The following HMGCLL1 variants were observed in gnomAD, a reference collection of about 807,000 sequenced individuals.
HMGCLL1 encodes 3-hydroxy-3-methylglutaryl-CoA lyase like 1.
In HMGCLL1, 36 loss-of-function variants were observed where a neutral mutation model predicts 39.1. The ratio of observed to expected loss-of-function variants is 0.92; its 90% CI spans 0.71 to 1.22. The LOEUF is 1.22. Ranked by LOEUF, HMGCLL1 falls within the 50% of genes most tolerant of loss-of-function variation. HMGCLL1 has a pLI of 0.00. For missense variants in HMGCLL1, 451 were observed against 416.5 expected, an observed-to-expected ratio of 1.08 and a Z score of -0.72; for synonymous variants, 149 against 144.0, an observed-to-expected ratio of 1.03 and a Z score of -0.25.
At chr6:55,614,626 T>C in the HMGCLL1 span, among the ~76,000 whole-genome samples, 1 of 152,188 alleles carries the variant, frequency 6.6e-6, no homozygotes, top group Non-Finnish European at 1.5e-5. Context: ...TTTTTCTTCA[T>C]TAATTTAAGA....
chr6:55,637,172 G>A, the HMGCLL1 span, among the ~76,000 whole-genome samples: 2 of 152,120 alleles, frequency 1.3e-5, no homozygotes, highest in Non-Finnish European at 1.5e-5. Context: ...AATAACAACA[G>A]TATAGCTATA....
intron 1 of HMGCLL1, chr6:55,577,129 A>G (rs1561973198): frequency 1.2e-6 from 2 of 1,610,042 alleles, no homozygotes; most frequent in Non-Finnish European, 1.7e-6. Context: ...AGCCAGAGAC[A>G]TCGGGCTGAA....
the HMGCLL1 span, among the ~76,000 whole-genome samples, chr6:55,584,472 C>T: frequency 6.6e-5 from 10 of 152,070 alleles, no homozygotes; most frequent in Admixed American, 1.3e-4. Flanking sequence ...ATAAAATGAC[C>T]GCAATAAATT....
chr6:55,568,140 TA>T (rs1458240883), intron 1 of HMGCLL1, among the ~76,000 whole-genome samples: 1 of 152,186 alleles, frequency 6.6e-6, no homozygotes, highest in Non-Finnish European at 1.5e-5. Context: ...TAATTGGTAT[TA>T]TTTTCTATAA....
At chr6:55,620,980 A>G in the HMGCLL1 span, among the ~76,000 whole-genome samples, 11 of 151,952 alleles carry the variant, frequency 7.2e-5, no homozygotes, top group African/African-American at 2.4e-4. Flanking sequence ...CCATTGGTCT[A>G]TAGGTCTGTT....
chr6:55,598,647 G>A, the HMGCLL1 span, among the ~76,000 whole-genome samples: 2 of 152,128 alleles, frequency 1.3e-5, no homozygotes, highest in South Asian at 4.1e-4. Context: ...CTCTGTTGAG[G>A]CAAACAGGAA....
At chr6:55,478,427 G>C (rs1257969066) in intron 7 of HMGCLL1, among the ~76,000 whole-genome samples, 1 of 151,306 alleles carries the variant, frequency 6.6e-6, no homozygotes, top group Non-Finnish European at 1.5e-5. Context: ...TAGTATATAT[G>C]AATAATCCTA....
intron 3 of HMGCLL1, among the ~76,000 whole-genome samples, chr6:55,534,290 C>A (rs1030500219): frequency 2.6e-5 from 4 of 151,974 alleles, no homozygotes; most frequent in Non-Finnish European, 4.4e-5. Flanking sequence ...ATAAAAAGAC[C>A]TCAGTGGTAT....
chr6:55,476,459 CCTA>C (rs1405319794), intron 7 of HMGCLL1, among the ~76,000 whole-genome samples: 1 of 151,310 alleles, frequency 6.6e-6, no homozygotes, highest in Non-Finnish European at 1.5e-5. Flanking sequence ...TAATAGTATA[CCTA>C]TAACTTATGT....
intron 1 of HMGCLL1, among the ~76,000 whole-genome samples, chr6:55,557,072 T>TA (rs1240274457): frequency 6.6e-6 from 1 of 152,190 alleles, no homozygotes; most frequent in East Asian, 1.9e-4. Context: ...TCTCACACTT[T>TA]ATAAAGTTAG....
intron 7 of HMGCLL1, among the ~76,000 whole-genome samples, chr6:55,479,751 A>G (rs1035250652): frequency 6.6e-6 from 1 of 151,732 alleles, no homozygotes; most frequent in African/African-American, 2.4e-5. Flanking sequence ...GAAAGTTAAT[A>G]GCAAATGTCT....
the HMGCLL1 span, among the ~76,000 whole-genome samples, chr6:55,675,686 C>T: frequency 0.094 from 14,231 of 152,150 alleles, 763 homozygotes; most frequent in East Asian, 0.17. Flanking sequence ...TTCTGTCATG[C>T]GCTACTCTTT....
the HMGCLL1 span, among the ~76,000 whole-genome samples, chr6:55,612,779 A>G: frequency 6.6e-6 from 1 of 152,222 alleles, no homozygotes; most frequent in Non-Finnish European, 1.5e-5. Flanking sequence ...CCCCTTCCTT[A>G]CACCTTATAA....
At chr6:55,439,328 A>C (rs2127379815) in intron 8 of HMGCLL1, 106 bp downstream of exon 8, 1 of 1,112,094 alleles carries the variant, frequency 9.0e-7, no homozygotes, top group South Asian at 1.7e-5. Flanking sequence ...AAATAGCAAA[A>C]GTGTAGTAAA....
chr6:55,453,152 T>TTTGTTG (rs528372706), intron 7 of HMGCLL1, among the ~76,000 whole-genome samples: 98 of 151,716 alleles, frequency 6.5e-4, no homozygotes, highest in African/African-American at 2.2e-3. Context: ...TACTAAGAAG[T>TTTGTTG]TTGTTGTTGT....
intron 3 of HMGCLL1, among the ~76,000 whole-genome samples, chr6:55,523,650 C>A (rs564187418): frequency 2.0e-5 from 3 of 151,944 alleles, no homozygotes; most frequent in Admixed American, 1.3e-4. Flanking sequence ...ATATAAAACC[C>A]AGTATATCAT....
intron 5 of HMGCLL1, chr6:55,513,702 C>T (rs566414817): frequency 3.8e-6 from 1 of 266,318 alleles, no homozygotes; most frequent in African/African-American, 2.2e-5. Context: ...TGATTCTTTT[C>T]CAAAAGCTGT....
chr6:55,608,852 G>A, the HMGCLL1 span, among the ~76,000 whole-genome samples: 7 of 152,208 alleles, frequency 4.6e-5, no homozygotes, highest in African/African-American at 1.7e-4. Flanking sequence ...AGCAGTGTGC[G>A]AATCCTGCAC....
At chr6:55,492,764 C>T (rs1364514857) in intron 7 of HMGCLL1, among the ~76,000 whole-genome samples, 2 of 152,134 alleles carry the variant, frequency 1.3e-5, no homozygotes, top group Non-Finnish European at 2.9e-5. Flanking sequence ...TAAATTAAGC[C>T]CTGGGGCAAT....
Sources: gnomAD v4.1 joint callset for allele counts (sites outside exome capture counted in the v4.1 genomes callset) on GRCh38, gnomAD v4.1.1 for gene constraint, MANE v1.5 for transcripts, NCBI Gene and HGNC (gene_info 2026-07-23, HGNC 2026-07-21) for gene names.